Variants in AAK1 observed in about 807,000 individuals in gnomAD.
The protein encoded by AAK1 is AP2-associated protein kinase 1.
AAK1 carries 37 observed loss-of-function variants against 116.0 expected under a neutral mutation model. That is an observed-to-expected ratio of 0.32 (90% CI 0.25 to 0.42). AAK1 has a LOEUF of 0.42. Among genes scored for constraint, AAK1 ranks in the 10% least tolerant of loss-of-function variants. The pLI, the probability that AAK1 is intolerant of heterozygous loss-of-function variation, is 1.00. For synonymous variants in AAK1, 458 were observed against 439.9 expected (o/e 1.04, Z -0.51); for missense variants, 919 against 1,170.6 (o/e 0.79, Z 3.14).
At chr2:69,574,234 A>G (rs1250235249) in intron 2 of AAK1, among the ~76,000 whole-genome samples, 2 of 151,052 alleles carry the variant, frequency 1.3e-5, no homozygotes, top group African/African-American at 4.9e-5. Context: ...AGCTGGGTAT[A>G]GTGGTGCACA....
At chr2:69,529,673 T>G (rs2105021174) in intron 8 of AAK1, among the ~76,000 whole-genome samples, 1 of 152,328 alleles carries the variant, frequency 6.6e-6, no homozygotes, top group South Asian at 2.1e-4. Context: ...CAAAGATGAA[T>G]TTCTTATCAC....
chr2:69,509,534 G>A (rs1447365416), intron 13 of AAK1, 74 bp from the exon 14 acceptor site: 3 of 1,295,248 alleles, frequency 2.3e-6, no homozygotes, highest in Non-Finnish European at 3.2e-6. Context: ...ACAGATAAGT[G>A]TAACAACAAC....
At chr2:69,632,504 C>T (rs191426949) in intron 2 of AAK1, among the ~76,000 whole-genome samples, 1 of 152,360 alleles carries the variant, frequency 6.6e-6, no homozygotes, top group East Asian at 1.9e-4. Flanking sequence ...TGACTGTTGA[C>T]CAATGTGGGA....
rs1308343151 is a variant in AAK1 at position 69,474,854 on chromosome 2, T to A, written c.*1015A>T. The A allele has an allele frequency of 1.0e-6, 1 of 985,700 alleles. No homozygotes were observed. The highest frequency in any genetic ancestry group is 1.2e-6 in the Non-Finnish European group (1 of 829,910). The allele number at this position is 985,700 out of a possible 1,614,324, so 61.1% of individuals were successfully genotyped here. On this transcript the variant is annotated 3_prime_UTR_variant, in exon 22 of 22. Transcript: ENST00000409085. ...CTGATATCAGACTTGAAATGCCAAG[T>A]GGAAACAGAACTATTCAGCATCTTC... is the stretch of plus-strand genomic sequence containing the variant.
intron 2 of AAK1, among the ~76,000 whole-genome samples, chr2:69,590,186 A>C (rs997626085): frequency 2.0e-5 from 3 of 152,212 alleles, no homozygotes; most frequent in African/African-American, 7.2e-5. Context: ...TACAGTCTCC[A>C]CAAACTAGAC....
rs550876565 is a variant in AAK1 at position 69,530,243 on chromosome 2, A to G, written c.739-103T>C. ...CCATCCACATTTACTAGCAGATACAAAAACTATAGACTATTAATGTATTAG... is the reference window on the plus strand; with the variant it reads ...CCATCCACATTTACTAGCAGATACAGAAACTATAGACTATTAATGTATTAG... On this transcript the variant is annotated intron_variant, in intron 7 of 21. Coordinates refer to ENST00000409085, the MANE Select transcript of AAK1 (RefSeq NM_014911.5). 27 of 1,191,616 alleles carry G rather than the reference A, an allele frequency of 2.3e-5. No individual in the cohort carries two copies. The South Asian group carries it at 3.7e-4, about 16-fold the overall frequency. 73.8% of individuals were successfully genotyped at this position (1,191,616 alleles called of 1,614,324 possible). A position where few individuals can be genotyped will look rare whatever the true frequency, so the allele number is the denominator to read the frequency against.
chr2:69,573,936 A>G (rs1334234389), intron 2 of AAK1, among the ~76,000 whole-genome samples: 2 of 151,850 alleles, frequency 1.3e-5, no homozygotes, highest in Non-Finnish European at 2.9e-5. Flanking sequence ...AGGGTAGAGC[A>G]GTGAGCTGAG....
chr2:69,521,572 T>C (rs1390838622), intron 10 of AAK1, among the ~76,000 whole-genome samples: 1 of 152,228 alleles, frequency 6.6e-6, no homozygotes, highest in Non-Finnish European at 1.5e-5. Flanking sequence ...CTCCATTTCT[T>C]CCAATATACA....
chr2:69,550,227 T>C (rs776267852), intron 3 of AAK1, among the ~76,000 whole-genome samples: 1 of 152,240 alleles, frequency 6.6e-6, no homozygotes, highest in East Asian at 1.9e-4. Flanking sequence ...GATGTTGTTA[T>C]GACATGGTTT....
chr2:69,630,357 G>GGAGAGGGAGGGGGAGGGAGAGA, intron 2 of AAK1, among the ~76,000 whole-genome samples: 4 of 125,242 alleles, frequency 3.2e-5, no homozygotes, highest in Admixed American at 3.2e-4. Context: ...GGAGGGGGAG[G>GGAGAGGGAGGGGGAGGGAGAGA]GAGAGGGAGG....
At position 69,473,281 on chromosome 2, in the gene AAK1, G is replaced by A. The variant is rs137922467; in HGVS notation, c.*2588C>T. The stretch of plus-strand genomic sequence containing the variant: ...ACACCTGTAAAATGAAGAGGATGGT[G>A]GACTAGAGGATGGTCTCAAAGGTCC... On this transcript the variant is annotated 3_prime_UTR_variant, in exon 22 of 22. Coordinates refer to ENST00000409085, the MANE Select transcript of AAK1 (RefSeq NM_014911.5). The A allele has an allele frequency of 1.0e-6, 1 of 972,074 alleles. No homozygotes were observed. The highest frequency in any genetic ancestry group is 4.8e-5 in the South Asian group (1 of 21,026). 60.2% of individuals were successfully genotyped at this position (972,074 alleles called of 1,614,324 possible).
intron 5 of AAK1, among the ~76,000 whole-genome samples, chr2:69,538,687 G>C (rs1670581212): frequency 6.6e-6 from 1 of 152,220 alleles, no homozygotes; most frequent in South Asian, 2.1e-4. Context: ...TTCAAGACCA[G>C]TCTTGCTAAC....
At chr2:69,604,951 C>T (rs1233250643) in intron 2 of AAK1, among the ~76,000 whole-genome samples, 1 of 152,196 alleles carries the variant, frequency 6.6e-6, no homozygotes, top group African/African-American at 2.4e-5. Context: ...CTCTCTGTCT[C>T]AACACACAGT....
intron 5 of AAK1, among the ~76,000 whole-genome samples, chr2:69,532,726 G>A (rs1319529107): frequency 1.3e-5 from 2 of 152,078 alleles, no homozygotes; most frequent in African/African-American, 4.8e-5. Context: ...TACTACACTA[G>A]GTTAGGATAT....
At chr2:69,492,914 C>G (rs1015306530) in intron 17 of AAK1, among the ~76,000 whole-genome samples, 9 of 151,834 alleles carry the variant, frequency 5.9e-5, no homozygotes, top group Non-Finnish European at 1.2e-4. Context: ...TGACTGGTGT[C>G]CATAGTGGGC....
Position 69,466,077 on chromosome 2 carries a change from T to C in AAK1, c.*9792A>G, listed in dbSNP as rs1674475796. The C allele has an allele frequency of 7.7e-7, 1 of 1,290,970 alleles. No individual in the cohort carries two copies. Among genetic ancestry groups the C allele is most frequent in the South Asian group, 1.2e-5 (1 of 81,028 alleles). 80.0% of individuals were successfully genotyped at this position (1,290,970 alleles called of 1,614,324 possible). A position where few individuals can be genotyped will look rare whatever the true frequency, so the allele number is the denominator to read the frequency against. On this transcript the variant is annotated 3_prime_UTR_variant, in exon 22 of 22. Transcript: ENST00000409085. ...TGGGGCTTTGGAGAAAATGTCCATG[T>C]CATCATTTGGAACCCTTGAGCTCCT...
chr2:69,615,080 C>A (rs530882666), intron 2 of AAK1, among the ~76,000 whole-genome samples: 8 of 152,132 alleles, frequency 5.3e-5, no homozygotes, highest in Admixed American at 5.2e-4. Context: ...ACCCCAACCA[C>A]GAGGAAAAAA....
chr2:69,539,622 A>C (rs1191175620), intron 5 of AAK1, among the ~76,000 whole-genome samples: 3 of 152,214 alleles, frequency 2.0e-5, no homozygotes, highest in Admixed American at 6.5e-5. Flanking sequence ...TGTTAAAGGC[A>C]ACTAGGAGTA....
chr2:69,594,851 C>G, intron 2 of AAK1: 1 of 1,557,610 alleles, frequency 6.4e-7, no homozygotes, highest in Non-Finnish European at 8.8e-7. Flanking sequence ...TCAACGCACT[C>G]AAGCCTTAGC....
Sources: allele counts gnomAD v4.1 joint callset (sites outside exome capture counted in the v4.1 genomes callset), GRCh38; gene constraint gnomAD v4.1.1; transcripts MANE v1.5; gene names NCBI Gene and HGNC (gene_info 2026-07-23, HGNC 2026-07-21).